ADCY7: variants seen among roughly 807,000 people sequenced by gnomAD.
The protein encoded by ADCY7 is adenylate cyclase type 7.
ADCY7 carries 72 observed loss-of-function variants against 120.6 expected under a neutral mutation model. That is an observed-to-expected ratio of 0.60 (90% confidence interval 0.49 to 0.73). The LOEUF is 0.73. Ranked by LOEUF, ADCY7 falls within the 30% of genes least tolerant of loss-of-function variation. The probability of loss-of-function intolerance (pLI) is 0.00; values close to 1 mark genes in which losing one functional copy is unlikely to be tolerated. For missense variants in ADCY7, 1,227 were observed against 1,486.0 expected (o/e 0.83, Z 2.87); for synonymous variants, 661 against 628.0 (o/e 1.05, Z -0.78).
chr16:50,246,463 G>T (rs1596778472), intron 1 of ADCY7, among the ~76,000 whole-genome samples: 1 of 152,152 alleles, frequency 6.6e-6, no homozygotes, highest in Non-Finnish European at 1.5e-5. Context: ...CCCAGACGCT[G>T]CCCCAGCTGG....
At chr16:50,254,017 G>A (rs992501499) in intron 1 of ADCY7, among the ~76,000 whole-genome samples, 1 of 152,174 alleles carries the variant, frequency 6.6e-6, no homozygotes, top group African/African-American at 2.4e-5. Flanking sequence ...GCAGGGTTGA[G>A]GCTGGGTCTG....
In ADCY7 at chr16:50,310,685, A is replaced by G; in HGVS notation, c.2161-2A>G. The G allele has an allele frequency of 6.2e-7, 1 of 1,613,506 alleles. No individual in the cohort carries two copies. Among genetic ancestry groups the G allele is most frequent in the Non-Finnish European group, 8.5e-7 (1 of 1,179,662 alleles). Reference sequence around the variant, plus strand: ...GTCCTGAGTGACACCCTGCCCCCTCAGTACTACACCTGCAGCTGTGTCCTG... The same window carrying G: ...GTCCTGAGTGACACCCTGCCCCCTCGGTACTACACCTGCAGCTGTGTCCTG... On this transcript the variant is annotated splice_acceptor_variant, in intron 18 of 25. Transcript: ENST00000673801. LOFTEE classifies it high-confidence loss of function.
intron 1 of ADCY7, among the ~76,000 whole-genome samples, chr16:50,255,210 T>G (rs1465367255): frequency 1.3e-5 from 2 of 150,898 alleles, no homozygotes; most frequent in African/African-American, 4.9e-5. Flanking sequence ...GGTGGGAGGA[T>G]TGCGTGAGCC....
chr16:50,311,899 G>C, intron 20 of ADCY7, 113 bp downstream of exon 20: 1 of 1,456,094 alleles, frequency 6.9e-7, no homozygotes, highest in South Asian at 1.2e-5. Flanking sequence ...AAAGACTAGA[G>C]TCCTGCCAGG....
chr16:50,292,569 G>T, intron 4 of ADCY7, 107 bp from the exon 5 acceptor site: 1 of 1,396,710 alleles, frequency 7.2e-7, no homozygotes, highest in South Asian at 1.3e-5. Context: ...GTGGGTTGAA[G>T]GTCAGGGAAT....
chr16:50,268,873 C>T (rs1464138031), intron 1 of ADCY7, among the ~76,000 whole-genome samples: 3 of 152,068 alleles, frequency 2.0e-5, no homozygotes, highest in African/African-American at 7.2e-5. Flanking sequence ...CCCGTCTCTA[C>T]AAAAAATACA....
At chr16:50,255,402 G>GGAAAAAAAA (rs368044444) in intron 1 of ADCY7, among the ~76,000 whole-genome samples, 3 of 108,142 alleles carry the variant, frequency 2.8e-5, no homozygotes, top group African/African-American at 1.1e-4. Context: ...TCTGTTTCTG[G>GGAAAAAAAA]AAAAAAAAAA....
chr16:50,309,925 T>TCAGCA (rs2036340945), intron 18 of ADCY7, among the ~76,000 whole-genome samples: 1 of 152,094 alleles, frequency 6.6e-6, no homozygotes, highest in Admixed American at 6.5e-5. Flanking sequence ...GGGTCTCTGG[T>TCAGCA]CAGGGCACTT....
intron 1 of ADCY7, among the ~76,000 whole-genome samples, chr16:50,269,117 T>C (rs1247845213): frequency 6.6e-6 from 1 of 152,156 alleles, no homozygotes; most frequent in East Asian, 1.9e-4. Context: ...CACTCTACAA[T>C]TTATAGCTAC....
Position 50,312,209 on chromosome 16 carries a change from T to TGGGGCGGGGGCAGGGAGGCGGAC in ADCY7, c.2604+21_2604+43dup, listed in dbSNP as rs2036525951. 1 of 1,020,696 alleles carries TGGGGCGGGGGCAGGGAGGCGGAC rather than the reference T, an allele frequency of 9.8e-7. No individual in the cohort carries two copies. Among genetic ancestry groups the TGGGGCGGGGGCAGGGAGGCGGAC allele is most frequent in the African/African-American group, 2.7e-5 (1 of 37,096 alleles). The allele number at this position is 1,020,696 out of a possible 1,614,324, so 63.2% of individuals were successfully genotyped here. A position where few individuals can be genotyped will look rare whatever the true frequency, so the allele number is the denominator to read the frequency against. On this transcript the variant is annotated intron_variant, in intron 21 of 25. Transcript: ENST00000673801. ...TAAACGAGGTGTGCTGAGAAGGGGCTGGGGCGGGGGCAGGGAGGCGGACGG... is the reference window on the plus strand; with the variant it reads ...TAAACGAGGTGTGCTGAGAAGGGGCTGGGGCGGGGGCAGGGAGGCGGACGGGGCGGGGGCAGGGAGGCGGACGG...
rs572083674 is a variant in ADCY7 at position 50,316,032 on chromosome 16, G to A, written c.*527G>A. 6.5e-6 allele frequency: 1 copy of A among 153,702 alleles called. No individual in the cohort carries two copies. Among genetic ancestry groups the A allele is most frequent in the South Asian group, 2.0e-4 (1 of 4,880 alleles). The allele number at this position is 153,702 out of a possible 1,614,324, so 9.5% of individuals were successfully genotyped here. A position where few individuals can be genotyped will look rare whatever the true frequency, so the allele number is the denominator to read the frequency against. ...AAAGGGGTGTTTTACATCTGTAAAC[G>A]GTTTCAAACAGGTAGAGAGAAAAAC... On this transcript the variant is annotated 3_prime_UTR_variant, in exon 26 of 26. Coordinates refer to ENST00000673801, the MANE Select transcript of ADCY7 (RefSeq NM_001114.5).
chr16:50,256,103 C>A (rs369682541), intron 1 of ADCY7, among the ~76,000 whole-genome samples: 1 of 152,122 alleles, frequency 6.6e-6, no homozygotes, highest in African/African-American at 2.4e-5. Context: ...AACTTAAAAG[C>A]CTCTGCATGG....
At chr16:50,310,600 G>T in intron 18 of ADCY7, 87 bp from the exon 19 acceptor site, 1 of 1,599,010 alleles carries the variant, frequency 6.3e-7, no homozygotes, top group Non-Finnish European at 8.5e-7. Context: ...TGAGGTGCAG[G>T]GAGTGGGGCT....
chr16:50,315,218 C>A, intron 25 of ADCY7, 80 bp downstream of exon 25: 1 of 1,581,486 alleles, frequency 6.3e-7, no homozygotes, highest in Non-Finnish European at 8.6e-7. Flanking sequence ...TTAAGAGCTG[C>A]TGTCTCACCC....
chr16:50,314,717 A>C, intron 24 of ADCY7: 1 of 449,124 alleles, frequency 2.2e-6, no homozygotes, highest in Non-Finnish European at 4.0e-6. Flanking sequence ...CCTGCGCTCA[A>C]AGCCAGGCCT....
upstream of ADCY7, among the ~76,000 whole-genome samples, chr16:50,245,254 C>A (rs1030781053): frequency 7.9e-5 from 12 of 152,184 alleles, no homozygotes; most frequent in Non-Finnish European, 1.8e-4. Flanking sequence ...CCTGCTAGGG[C>A]CTTGGGGGTC....
rs1421634570 is a variant in ADCY7, at chr16:50,317,264, G to A, written c.*1759G>A. 1.3e-5 allele frequency: 2 copies of A among 152,740 alleles called. No individual in the cohort carries two copies. Among genetic ancestry groups the A allele is most frequent in the Non-Finnish European group, 2.9e-5 (2 of 68,044 alleles). 9.5% of individuals were successfully genotyped at this position (152,740 alleles called of 1,614,324 possible). A position where few individuals can be genotyped will look rare whatever the true frequency, so the allele number is the denominator to read the frequency against. Reference sequence around the variant, plus strand: ...AATTTCATGGCAACAATGCTGGTAAGGGCAATTAGCCTCGCTTAAGTTGCC... The same window carrying A: ...AATTTCATGGCAACAATGCTGGTAAAGGCAATTAGCCTCGCTTAAGTTGCC... On this transcript the variant is annotated 3_prime_UTR_variant, in exon 26 of 26. Transcript: ENST00000673801.
At chr16:50,311,623 C>A (rs2036467204) in intron 19 of ADCY7, 70 bp from the exon 20 acceptor site, 29 of 1,130,032 alleles carry the variant, frequency 2.6e-5, no homozygotes, top group Non-Finnish European at 3.8e-5. Context: ...TGCGTGGCAC[C>A]TGGAGAGCAT....
rs2151115663 is a variant in ADCY7, at chr16:50,316,484, A to G, written c.*979A>G. The G allele has an allele frequency of 6.6e-6, 1 of 152,504 alleles. No homozygotes were observed. The highest frequency in any genetic ancestry group is 2.4e-5 in the African/African-American group (1 of 41,588). The allele number at this position is 152,504 out of a possible 1,614,324, so 9.4% of individuals were successfully genotyped here. ...TACCAGAAAGGAATGGAGTCTGTTT[A>G]GAGACAACTTGGACAACCTGTGAGT... is the stretch of plus-strand genomic sequence containing the variant. On this transcript the variant is annotated 3_prime_UTR_variant, in exon 26 of 26. Transcript: ENST00000673801.
Sources: gnomAD v4.1 joint callset for allele counts (sites outside exome capture counted in the v4.1 genomes callset) on GRCh38, gnomAD v4.1.1 for gene constraint, MANE v1.5 for transcripts, NCBI Gene and HGNC (gene_info 2026-07-23, HGNC 2026-07-21) for gene names.